The following HIRA variants were observed in gnomAD, a reference collection of about 807,000 sequenced individuals.
The protein encoded by HIRA is protein HIRA.
HIRA carries 13 observed loss-of-function variants against 126.6 expected under a neutral mutation model. The ratio of observed to expected loss-of-function variants is 0.10; its 90% CI spans 0.07 to 0.16. The LOEUF is 0.16. Among genes scored for constraint, HIRA ranks in the 10% least tolerant of loss-of-function variants. The probability of loss-of-function intolerance (pLI) is 1.00; values close to 1 mark genes in which losing one functional copy is unlikely to be tolerated. For missense variants in HIRA, 834 were observed against 1,314.4 expected (o/e 0.63, Z 5.65); for synonymous variants, 511 against 520.0 (o/e 0.98, Z 0.24).
chr22:19,409,496 C>T (rs1474008305), intron 2 of HIRA, among the ~76,000 whole-genome samples: 1 of 152,104 alleles, frequency 6.6e-6, no homozygotes, highest in Non-Finnish European at 1.5e-5. Context: ...GTTGGCCAGG[C>T]TGATTCGAAC....
chr22:19,399,969 G>A (rs1376327987), intron 5 of HIRA, among the ~76,000 whole-genome samples: 2 of 152,136 alleles, frequency 1.3e-5, no homozygotes, highest in African/African-American at 4.8e-5. Context: ...TGAGAGTCCT[G>A]GAGGGGCACA....
intron 1 of HIRA, among the ~76,000 whole-genome samples, chr22:19,414,010 T>C (rs578045180): frequency 4.6e-4 from 70 of 152,122 alleles, no homozygotes; most frequent in Non-Finnish European, 8.5e-4. Context: ...TGGCACAGCA[T>C]GATGATGACA....
intron 21 of HIRA, 36 bp from the exon 22 acceptor site, chr22:19,354,154 A>G: frequency 6.2e-7 from 1 of 1,601,958 alleles, no homozygotes; most frequent in Non-Finnish European, 8.5e-7. Context: ...GCTCAGGAAA[A>G]CCAAGAGATC....
intron 1 of HIRA, among the ~76,000 whole-genome samples, chr22:19,422,187 CACACACATACACATATAT>C (rs1386767307): frequency 2.3e-5 from 3 of 130,478 alleles, no homozygotes; most frequent in African/African-American, 4.0e-5. Context: ...CACACACACA[CACACACATACACATATAT>C]ATATATACAT....
At chr22:19,371,895 CT>C (rs1272808515) in intron 15 of HIRA, among the ~76,000 whole-genome samples, 1 of 152,118 alleles carries the variant, frequency 6.6e-6, no homozygotes, top group African/African-American at 2.4e-5. Flanking sequence ...GCTATTTCCA[CT>C]TTTTGGTTAT....
chr22:19,399,558 T>C (rs1287572385), intron 5 of HIRA, among the ~76,000 whole-genome samples: 2 of 152,194 alleles, frequency 1.3e-5, no homozygotes, highest in Non-Finnish European at 2.9e-5. Context: ...TCACTCTCCA[T>C]ACTCCAGATT....
chr22:19,422,839 C>T (rs2089459117), intron 1 of HIRA, among the ~76,000 whole-genome samples: 1 of 152,176 alleles, frequency 6.6e-6, no homozygotes. Flanking sequence ...TCAGACCTGC[C>T]CTCAGTGGAA....
rs781867411 is a variant in HIRA, at chr22:19,357,006, G to A, written c.2280C>T (p.Phe760=). 9 of 1,613,910 alleles carry A rather than the reference G, an allele frequency of 5.6e-6. No individual in the cohort carries two copies. The highest frequency in any genetic ancestry group is 3.3e-5 in the Admixed American group (2 of 60,010). The change falls in exon 19 of 25, where the codon TTC becomes TTT. Residue 760 remains phenylalanine, a synonymous_variant. Transcript: ENST00000263208. The part of the protein sequence containing the change: ...VACEKRMLSV[F]STCGRRLLSP... ...AGAGGAGACGGCGACCACAGGTGGA[G>A]AACACTGACAGCATCCTTTTTTCAC... is the stretch of plus-strand genomic sequence containing the variant.
At chr22:19,332,829 T>TA (rs1569284482) in intron 24 of HIRA, among the ~76,000 whole-genome samples, 1 of 151,324 alleles carries the variant, frequency 6.6e-6, no homozygotes, top group Non-Finnish European at 1.5e-5. Context: ...ACATTTTTTT[T>TA]AAAAAAAGGA....
Position 19,342,358 on chromosome 22 carries a change from G to A in HIRA, c.2937+9000C>T, listed in dbSNP as rs550051559. 2.2e-4 allele frequency among the ~76,000 whole-genome samples: 33 copies of A among 152,282 alleles called. 1 individual carries two copies. Among genetic ancestry groups the A allele is most frequent in the African/African-American group, 7.7e-4 (32 of 41,562 alleles). Reference sequence around the variant, plus strand: ...ACACTTTTACACTGCTGGTGGGAATGTAAACTAGTACAACCACCGTGGAAA... The same window carrying A: ...ACACTTTTACACTGCTGGTGGGAATATAAACTAGTACAACCACCGTGGAAA... On this transcript the variant is annotated intron_variant, in intron 24 of 24. Coordinates refer to ENST00000263208, the MANE Select transcript of HIRA (RefSeq NM_003325.4).
intron 15 of HIRA, among the ~76,000 whole-genome samples, chr22:19,372,615 A>G (rs1260055148): frequency 7.0e-6 from 1 of 141,960 alleles, no homozygotes; most frequent in Non-Finnish European, 1.5e-5. Flanking sequence ...TCTTTTGCCC[A>G]GGCTGGAGTG....
intron 7 of HIRA, among the ~76,000 whole-genome samples, chr22:19,395,545 C>T (rs1021170039): frequency 6.6e-6 from 1 of 152,176 alleles, no homozygotes; most frequent in African/African-American, 2.4e-5. Context: ...ACTCATATAC[C>T]TAGCCCAGGA....
intron 5 of HIRA, among the ~76,000 whole-genome samples, chr22:19,399,762 AT>A (rs1416632295): frequency 6.6e-6 from 1 of 152,126 alleles, no homozygotes; most frequent in Non-Finnish European, 1.5e-5. Flanking sequence ...CTTCCGACTT[AT>A]TTATTCAATA....
intron 1 of HIRA, among the ~76,000 whole-genome samples, chr22:19,424,071 C>T (rs2089470124): frequency 1.3e-5 from 2 of 152,228 alleles, no homozygotes. Context: ...CACCAACTTC[C>T]AGCACTCAGC....
chr22:19,369,951 G>C (rs957511447), intron 15 of HIRA, among the ~76,000 whole-genome samples: 6 of 152,062 alleles, frequency 3.9e-5, no homozygotes, highest in African/African-American at 1.2e-4. Context: ...AACAAACAAA[G>C]AAAATCTCCA....
chr22:19,376,792 C>T (rs1048609932), intron 14 of HIRA, among the ~76,000 whole-genome samples: 5 of 152,228 alleles, frequency 3.3e-5, no homozygotes, highest in African/African-American at 1.2e-4. Context: ...GAGAATTGCT[C>T]TGACGGTATC....
In HIRA at chr22:19,385,677, G is replaced by T. The variant is rs2089120320; in HGVS notation, c.1173C>A (p.Leu391=). Residue 391 remains leucine, a synonymous_variant, in exon 12 of 25, where the codon CTC becomes CTA. Transcript: ENST00000263208. The part of the protein sequence containing the change: ...KSLAIMTEAQ[L]STAVIENPEM... ...CAGGGTTCTCAATGACGGCTGTGGA[G>T]AGCTGGGCCTCGGTCATGATGGCTA... The T allele has an allele frequency of 4.3e-6, 7 of 1,614,204 alleles. No individual in the cohort carries two copies. The highest frequency in any genetic ancestry group is 5.1e-6 in the Non-Finnish European group (6 of 1,180,028).
chr22:19,334,993 T>C (rs1274861765), intron 24 of HIRA, among the ~76,000 whole-genome samples: 1 of 152,202 alleles, frequency 6.6e-6, no homozygotes, highest in East Asian at 1.9e-4. Context: ...TGTATGTGTA[T>C]GTGCATGAGT....
intron 1 of HIRA, among the ~76,000 whole-genome samples, chr22:19,424,654 TAGAA>T (rs2089475172): frequency 6.6e-6 from 1 of 151,528 alleles, no homozygotes; most frequent in African/African-American, 2.4e-5. Flanking sequence ...CTTAGCAAAT[TAGAA>T]AGAGTAAGTC....
Sources: allele counts gnomAD v4.1 joint callset (sites outside exome capture counted in the v4.1 genomes callset), GRCh38; gene constraint gnomAD v4.1.1; transcripts MANE v1.5; gene names NCBI Gene and HGNC (gene_info 2026-07-23, HGNC 2026-07-21).